The following RNF44 variants were observed in gnomAD, a reference collection of about 807,000 sequenced individuals.
RNF44 encodes the protein ring finger protein 44.
In RNF44, 25 loss-of-function variants were observed where a neutral mutation model predicts 53.6. The ratio of observed to expected loss-of-function variants is 0.47; its 90% CI spans 0.34 to 0.65. RNF44 has a LOEUF of 0.65. RNF44 is among the 30% of genes least tolerant of loss of function. The pLI is 0.01. For missense variants in RNF44, 581 were observed against 595.5 expected, an observed-to-expected ratio of 0.98 and a Z score of 0.25; for synonymous variants, 282 against 252.2, an observed-to-expected ratio of 1.12 and a Z score of -1.12.
At chr5:176,541,989 G>T (rs1476068076), upstream of RNF44, among the ~76,000 whole-genome samples, 1 of 152,212 alleles carries the variant, frequency 6.6e-6, no homozygotes, top group Non-Finnish European at 1.5e-5. Flanking sequence ...ACTCAGGGCT[G>T]GCCTCAACAG....
In RNF44 at chr5:176,531,906, G is replaced by A. The variant is rs1220832656; in HGVS notation, c.297+98C>T. On this transcript the variant is annotated intron_variant, in intron 3 of 10. Transcript: ENST00000274811. This position sits in a 1 kb window ranked among gnomAD's most constrained non-coding sequence, Gnocchi z 4.2. ...AGGGCCAATAATGCCTCCCTGGAAC[G>A]TGAAATGAAGCAAGCTAGGTGAAAT... 16 of 1,323,734 alleles carry A rather than the reference G, an allele frequency of 1.2e-5. No homozygotes were observed. Among genetic ancestry groups the A allele is most frequent in the East Asian group, 9.5e-5 (4 of 41,964 alleles). The allele number at this position is 1,323,734 out of a possible 1,614,324, so 82.0% of individuals were successfully genotyped here.
upstream of RNF44, among the ~76,000 whole-genome samples, chr5:176,539,904 C>T (rs1278453120): frequency 6.6e-6 from 1 of 152,198 alleles, no homozygotes; most frequent in Non-Finnish European, 1.5e-5. Flanking sequence ...CTTCGTCTGG[C>T]TTTCTCTCCC....
In RNF44 at chr5:176,529,778, T is replaced by C. The variant is rs1756388632; in HGVS notation, c.967A>G (p.Ile323Val). 1 of 1,611,634 alleles carries C rather than the reference T, an allele frequency of 6.2e-7. No homozygotes were observed. Among genetic ancestry groups the C allele is most frequent in the Non-Finnish European group, 8.5e-7 (1 of 1,178,774 alleles). Residue 323 changes from isoleucine (I) to valine (V), a missense_variant, in exon 8 of 11, where the codon ATC becomes GTC. Coordinates refer to ENST00000274811, the MANE Select transcript of RNF44 (RefSeq NM_014901.5). The stretch of plus-strand genomic sequence containing the variant: ...TCATCCACGTCCAGGTCCAGGCTGA[T>C]GGTGGGCCCCATTGCTGTTGGTGAC... ...PMSPTAMGPT[I>V]SLDLDVDDVE...
chr5:176,532,034 C>T lies in RNF44; in HGVS notation c.267G>A (p.Gln89=), dbSNP rs1756719942. ...SPRMLHPATQ[Q]SPFMVDLHEQ... is the part of the protein sequence containing the mutation. Reference sequence around the variant, plus strand: ...CGTGGAGATCAACCATGAACGGGCTCTGCTGGGTGGCTGGGTGCAGCATTC... The same window carrying T: ...CGTGGAGATCAACCATGAACGGGCTTTGCTGGGTGGCTGGGTGCAGCATTC... The change falls in exon 3 of 11, where the codon CAG becomes CAA. Residue 89 remains glutamine, a synonymous_variant. Transcript: ENST00000274811. 2.5e-6 allele frequency: 4 copies of T among 1,611,774 alleles called. No individual in the cohort carries two copies. The East Asian group carries it at 8.9e-5, about 36-fold the overall frequency.
In RNF44 at chr5:176,528,631, G is replaced by A. The variant is rs1276710988; in HGVS notation, c.*397C>T. On this transcript the variant is annotated 3_prime_UTR_variant, in exon 11 of 11. Coordinates refer to ENST00000274811, the MANE Select transcript of RNF44 (RefSeq NM_014901.5). ...TGGGCAGAGGGCACGCCATTTCAGA[G>A]CATGAGACCTTCTGACCCAGGATGG... is the stretch of plus-strand genomic sequence containing the variant. 2.6e-5 allele frequency: 6 copies of A among 234,990 alleles called. No homozygotes were observed. Among genetic ancestry groups the A allele is most frequent in the Non-Finnish European group, 4.2e-5 (5 of 119,318 alleles). 14.6% of individuals were successfully genotyped at this position (234,990 alleles called of 1,614,324 possible). A position where few individuals can be genotyped will look rare whatever the true frequency, so the allele number is the denominator to read the frequency against.
upstream of RNF44, among the ~76,000 whole-genome samples, chr5:176,540,157 G>A (rs1440012805): frequency 6.6e-6 from 1 of 152,136 alleles, no homozygotes; most frequent in Non-Finnish European, 1.5e-5. Context: ...CAATCGCTGT[G>A]TGTCTCACTC....
At chr5:176,530,380 CGGTG>C (rs1756499183) in intron 6 of RNF44, among the ~76,000 whole-genome samples, 174 bp from the exon 7 acceptor site, 2 of 92,034 alleles carry the variant, frequency 2.2e-5, no homozygotes, top group South Asian at 3.9e-4. Flanking sequence ...CAAGTCAGCC[CGGTG>C]GGCCTGCCTC....
chr5:176,532,231 G>T (rs756356506), intron 2 of RNF44, 38 bp from the exon 3 acceptor site: 1 of 1,490,410 alleles, frequency 6.7e-7, no homozygotes, highest in South Asian at 1.3e-5. Flanking sequence ...GGACTGAGGG[G>T]GGCCACTCGT....
At chr5:176,530,021 C>A in intron 7 of RNF44, 61 bp downstream of exon 7, 1 of 1,448,580 alleles carries the variant, frequency 6.9e-7, no homozygotes, top group Non-Finnish European at 9.1e-7. Flanking sequence ...TTAGGTCTAA[C>A]CACTGGAGGT....
chr5:176,543,450 G>A, the RNF44 span: 2 of 151,842 alleles, frequency 1.3e-5, no homozygotes, highest in East Asian at 1.9e-4. The surrounding 1 kb of genome is among the most constrained non-coding windows in gnomAD (Gnocchi z 4.0). Flanking sequence ...CAGCTTCCAG[G>A]ACCCCCGCCC....
chr5:176,529,029 C>T lies in RNF44; in HGVS notation c.1298G>A (p.Ter433=). ...TCCCGGGCAGGCGGCTGCGTGGCCT[C>T]ACTCAGCCTCCCTGGGCACCTCGGA... ...DASEVPREAE[*] The change falls in exon 11 of 11, where the codon TGA becomes TAA. Residue 433 remains the stop codon, a stop_retained_variant. Transcript: ENST00000274811. 6.2e-7 allele frequency: 1 copy of T among 1,611,948 alleles called. No homozygotes were observed. The highest frequency in any genetic ancestry group is 8.5e-7 in the Non-Finnish European group (1 of 1,179,612).
Position 176,531,101 on chromosome 5 carries a change from GC to G in RNF44, c.466-81del. ...TCTACGCCATGCCACCCAGCAAAAG[GC>G]CCCCACCGGGCACACACCCAGCAGC... On this transcript the variant is annotated intron_variant, in intron 4 of 10. Transcript: ENST00000274811. This position sits in a 1 kb window ranked among gnomAD's most constrained non-coding sequence, Gnocchi z 4.2. 9.5e-7 allele frequency: 1 copy of G among 1,054,234 alleles called. No homozygotes were observed. Among genetic ancestry groups the G allele is most frequent in the Non-Finnish European group, 1.3e-6 (1 of 773,106 alleles). 65.3% of individuals were successfully genotyped at this position (1,054,234 alleles called of 1,614,324 possible). A position where few individuals can be genotyped will look rare whatever the true frequency, so the allele number is the denominator to read the frequency against.
chr5:176,539,204 C>A (rs1291281263), upstream of RNF44, among the ~76,000 whole-genome samples: 1 of 152,220 alleles, frequency 6.6e-6, no homozygotes, highest in Non-Finnish European at 1.5e-5. Flanking sequence ...AGAGCAAGGT[C>A]ATGATGCAGT....
In RNF44 at chr5:176,531,094, G is replaced by A; in HGVS notation, c.466-73C>T. 8.8e-7 allele frequency: 1 copy of A among 1,141,048 alleles called. No homozygotes were observed. The highest frequency in any genetic ancestry group is 1.2e-6 in the Non-Finnish European group (1 of 847,710). The allele number at this position is 1,141,048 out of a possible 1,614,324, so 70.7% of individuals were successfully genotyped here. ...GGCCAGGTCTACGCCATGCCACCCA[G>A]CAAAAGGCCCCCACCGGGCACACAC... On this transcript the variant is annotated intron_variant, in intron 4 of 10. Transcript: ENST00000274811. This position sits in a 1 kb window ranked among gnomAD's most constrained non-coding sequence, Gnocchi z 4.2.
In RNF44 at chr5:176,530,757, C is replaced by A; in HGVS notation, c.640-14G>T. ...CCGCTGGAGGGGCTGGAAGAACCAG[C>A]GCCGGGTCAGCAAGTCAGTGAGACG... On this transcript the variant is annotated splice_polypyrimidine_tract_variant and intron_variant, in intron 5 of 10. Coordinates refer to ENST00000274811, the MANE Select transcript of RNF44 (RefSeq NM_014901.5). 6.6e-7 allele frequency: 1 copy of A among 1,519,108 alleles called. No individual in the cohort carries two copies. The highest frequency in any genetic ancestry group is 1.4e-5 in the African/African-American group (1 of 69,774). The allele number at this position is 1,519,108 out of a possible 1,614,324, so 94.1% of individuals were successfully genotyped here.
At chr5:176,541,999 G>A (rs1242028263), upstream of RNF44, among the ~76,000 whole-genome samples, 1 of 152,204 alleles carries the variant, frequency 6.6e-6, no homozygotes, top group Non-Finnish European at 1.5e-5. Flanking sequence ...GGCCTCAACA[G>A]CCCTGAGCCC....
rs374762511 is a variant in RNF44 at position 176,529,008 on chromosome 5, G to C, written c.*20C>G. The C allele has an allele frequency of 6.2e-7, 1 of 1,607,678 alleles. No individual in the cohort carries two copies. Among genetic ancestry groups the C allele is most frequent in the Non-Finnish European group, 8.5e-7 (1 of 1,177,320 alleles). On this transcript the variant is annotated 3_prime_UTR_variant, in exon 11 of 11. Transcript: ENST00000274811. Reference sequence around the variant, plus strand: ...CCAGAGCTTCAGGCAGGGTTCTCCCGGGCAGGCGGCTGCGTGGCCTCACTC... The same window carrying C: ...CCAGAGCTTCAGGCAGGGTTCTCCCCGGCAGGCGGCTGCGTGGCCTCACTC...
upstream of RNF44, among the ~76,000 whole-genome samples, chr5:176,538,215 C>T (rs1320302906): frequency 1.3e-5 from 2 of 152,192 alleles, no homozygotes; most frequent in African/African-American, 4.8e-5. Context: ...CCTCCCTAGC[C>T]AGGGAAACTG....
At chr5:176,537,933 T>G (rs764940611), upstream of RNF44, 2 of 152,054 alleles carry the variant, frequency 1.3e-5, no homozygotes, top group Non-Finnish European at 2.9e-5. Context: ...CACTTCTCCT[T>G]GTTTATACTA....
Sources: gnomAD v4.1 joint callset for allele counts (sites outside exome capture counted in the v4.1 genomes callset) on GRCh38, gnomAD v4.1.1 for gene constraint, Gnocchi (gnomAD v3.1) non-coding constraint, MANE v1.5 for transcripts, NCBI Gene and HGNC (gene_info 2026-07-23, HGNC 2026-07-21) for gene names.